Variants in LRRC7 observed in about 807,000 individuals in gnomAD.
LRRC7 encodes leucine-rich repeat-containing protein 7.
A neutral mutation model predicts 175.7 loss-of-function variants in LRRC7; 23 were observed. The ratio of observed to expected loss-of-function variants is 0.13; its 90% CI spans 0.09 to 0.19. LRRC7 has a LOEUF of 0.19. Ranked by LOEUF, LRRC7 falls within the 10% of genes least tolerant of loss-of-function variation. The probability of loss-of-function intolerance (pLI) is 1.00; values close to 1 mark genes in which losing one functional copy is unlikely to be tolerated. For synonymous variants in LRRC7, 685 were observed against 680.9 expected, an observed-to-expected ratio of 1.01 and a Z score of -0.09; for missense variants, 1,354 against 1,904.7, an observed-to-expected ratio of 0.71 and a Z score of 5.38.
chr1:70,105,067 G>T (rs983995933), intron 25 of LRRC7, among the ~76,000 whole-genome samples: 42 of 152,278 alleles, frequency 2.8e-4, no homozygotes, highest in Middle Eastern at 3.4e-3. Context: ...CAAAGGAGGG[G>T]CTACCAGGGG....
intron 2 of LRRC7, among the ~76,000 whole-genome samples, chr1:69,731,294 C>G (rs1667553594): frequency 6.6e-6 from 1 of 151,954 alleles, no homozygotes; most frequent in Non-Finnish European, 1.5e-5. Context: ...TTACCCCCAC[C>G]CCCAAAAAAA....
intron 24 of LRRC7, among the ~76,000 whole-genome samples, chr1:70,078,792 A>ACGCGCG (rs141606062): frequency 1.2e-4 from 17 of 146,586 alleles, no homozygotes; most frequent in Non-Finnish European, 1.8e-4. Flanking sequence ...TTCTACATAT[A>ACGCGCG]CGCGCGCGCG....
chr1:70,050,114 C>CA (rs1162907081), intron 22 of LRRC7, among the ~76,000 whole-genome samples: 25 of 152,150 alleles, frequency 1.6e-4, no homozygotes, highest in Admixed American at 1.6e-3. Flanking sequence ...TGTTTATACA[C>CA]ACATATATAC....
At chr1:69,998,604 A>ACT (rs930374468) in intron 11 of LRRC7, among the ~76,000 whole-genome samples, 2 of 77,112 alleles carry the variant, frequency 2.6e-5, no homozygotes, top group African/African-American at 2.1e-4. Context: ...TTGGGTCAAT[A>ACT]CTCGGGGAAA....
intron 7 of LRRC7, among the ~76,000 whole-genome samples, chr1:69,890,178 G>A (rs961435596): frequency 9.2e-5 from 14 of 152,168 alleles, no homozygotes; most frequent in Admixed American, 3.9e-4. Context: ...CCAGGTCCAT[G>A]TGAGGAATCA....
chr1:69,964,606 T>G (rs1040904962), intron 8 of LRRC7, among the ~76,000 whole-genome samples: 2 of 152,248 alleles, frequency 1.3e-5, no homozygotes, highest in Non-Finnish European at 2.9e-5. Context: ...ATATGTTCAT[T>G]GATAGATGAG....
At chr1:70,059,027 A>G (rs554289664) in intron 23 of LRRC7, among the ~76,000 whole-genome samples, 1 of 152,364 alleles carries the variant, frequency 6.6e-6, no homozygotes, top group African/African-American at 2.4e-5. Context: ...CCAAAAGGCT[A>G]CAGTGACATA....
At chr1:69,699,826 A>T (rs1663111709) in intron 2 of LRRC7, among the ~76,000 whole-genome samples, 1 of 152,180 alleles carries the variant, frequency 6.6e-6, no homozygotes, top group African/African-American at 2.4e-5. Context: ...GCAGCCGGGT[A>T]GCCTCGCATA....
At chr1:69,580,405 A>C (rs1646147767) in intron 1 of LRRC7, among the ~76,000 whole-genome samples, 1 of 152,192 alleles carries the variant, frequency 6.6e-6, no homozygotes, top group Non-Finnish European at 1.5e-5. Flanking sequence ...CCTATTTGAG[A>C]AAATTTTATA....
rs1011450203 is a variant in LRRC7, at chr1:70,138,759, CTCGT to C, written c.*16874_*16877del. ...CTGGTGGCCTTTCTGTGTGGAGGAG[CTCGT>C]TTGTCCAAGGTATGATCTACCAGTG... On this transcript the variant is annotated 3_prime_UTR_variant, in exon 27 of 27. Coordinates refer to ENST00000651989, the MANE Select transcript of LRRC7 (RefSeq NM_001370785.2). 1.3e-5 allele frequency: 2 copies of C among 152,102 alleles called. No homozygotes were observed. Among genetic ancestry groups the C allele is most frequent in the African/African-American group, 4.8e-5 (2 of 41,420 alleles). The allele number at this position is 152,102 out of a possible 1,614,324, so 9.4% of individuals were successfully genotyped here. A position where few individuals can be genotyped will look rare whatever the true frequency, so the allele number is the denominator to read the frequency against.
chr1:69,717,247 G>A (rs528204987), intron 2 of LRRC7, among the ~76,000 whole-genome samples: 342 of 151,532 alleles, frequency 2.3e-3, no homozygotes, highest in Non-Finnish European at 3.5e-3. Flanking sequence ...TATAGTAGTA[G>A]ATATTTCTAT....
chr1:69,629,815 T>C (rs1341774), intron 1 of LRRC7, among the ~76,000 whole-genome samples: 19,516 of 152,150 alleles, frequency 0.13, 1,597 homozygotes, highest in South Asian at 0.19. Context: ...CTATATTTTA[T>C]TATTAATTTC....
At chr1:69,800,571 T>C (rs1676355640) in intron 4 of LRRC7, among the ~76,000 whole-genome samples, 1 of 152,002 alleles carries the variant, frequency 6.6e-6, no homozygotes, top group Admixed American at 6.6e-5. Context: ...TGCTATTGAT[T>C]TTTTGCACAT....
chr1:69,849,959 T>C (rs1047207792), intron 7 of LRRC7, among the ~76,000 whole-genome samples: 5 of 152,036 alleles, frequency 3.3e-5, no homozygotes, highest in African/African-American at 1.2e-4. Flanking sequence ...TAATAAAATA[T>C]AAACAAATAA....
intron 2 of LRRC7, among the ~76,000 whole-genome samples, chr1:69,747,725 GTATGTAAA>G (rs1440596264): frequency 5.3e-5 from 8 of 152,092 alleles, no homozygotes; most frequent in African/African-American, 1.7e-4. Flanking sequence ...ATCAGGATAA[GTATGTAAA>G]TATTCAGGAT....
intron 2 of LRRC7, among the ~76,000 whole-genome samples, chr1:69,759,951 G>A (rs534919609): frequency 6.6e-6 from 1 of 152,066 alleles, no homozygotes; most frequent in East Asian, 1.9e-4. Flanking sequence ...GTGTGATGAT[G>A]GGAAATCTCT....
chr1:69,995,041 A>C (rs1338591704), intron 11 of LRRC7, among the ~76,000 whole-genome samples: 1 of 152,166 alleles, frequency 6.6e-6, no homozygotes. Context: ...TTACCATTAC[A>C]CTATTAGTAA....
In LRRC7 at chr1:70,039,867, G is replaced by T. The variant is rs977158568; in HGVS notation, c.3969+74G>T. 2.0e-6 allele frequency: 3 copies of T among 1,494,018 alleles called. No homozygotes were observed. The African/African-American group carries it at 4.2e-5, about 21-fold the overall frequency. The allele number at this position is 1,494,018 out of a possible 1,614,324, so 92.5% of individuals were successfully genotyped here. On this transcript the variant is annotated intron_variant, in intron 21 of 26. Transcript: ENST00000651989. ...ACTTTATTGGCATTTCTAAGCACAT[G>T]TAGTGAAGCATGAACTACATGAATG...
chr1:69,690,639 G>C (rs1217935481), intron 2 of LRRC7, among the ~76,000 whole-genome samples: 1 of 152,134 alleles, frequency 6.6e-6, no homozygotes, highest in Non-Finnish European at 1.5e-5. Context: ...CATCAGGACT[G>C]TTAAAGGACC....
Sources: gnomAD v4.1 joint callset for allele counts (sites outside exome capture counted in the v4.1 genomes callset) on GRCh38, gnomAD v4.1.1 for gene constraint, MANE v1.5 for transcripts, NCBI Gene and HGNC (gene_info 2026-07-23, HGNC 2026-07-21) for gene names.